Variants in QSER1 observed in about 807,000 individuals in gnomAD.
QSER1 encodes glutamine and serine rich 1.
In QSER1, 49 loss-of-function variants were observed where a neutral mutation model predicts 158.5. The observed-to-expected ratio is 0.31, with a 90% confidence interval of 0.25 to 0.39. QSER1 has a LOEUF of 0.39. QSER1 is among the 10% of genes least tolerant of loss of function. The pLI, the probability that QSER1 is intolerant of heterozygous loss-of-function variation, is 1.00. For synonymous variants in QSER1, 650 were observed against 715.5 expected (o/e 0.91, Z 1.46); for missense variants, 1,754 against 2,010.3 (o/e 0.87, Z 2.44).
intron 1 of QSER1, among the ~76,000 whole-genome samples, chr11:32,897,852 G>T (rs893128537): frequency 6.6e-6 from 1 of 152,176 alleles, no homozygotes; most frequent in Non-Finnish European, 1.5e-5. Flanking sequence ...CATCTCAGTA[G>T]TCATACCTCT....
rs142483738 is a variant in QSER1 at position 32,918,426 on chromosome 11, A to G, written c.210-8731A>G. ...TGTTTTTTATGGGGTGGTCAGGGAA[A>G]TCTTGAGAGGTGAAATTTAAGCAGA... On this transcript the variant is annotated intron_variant, in intron 1 of 12. Coordinates refer to ENST00000650167, the MANE Select transcript of QSER1 (RefSeq NM_001076786.3). 2.9e-3 allele frequency among the ~76,000 whole-genome samples: 434 copies of G among 151,920 alleles called. 1 individual carries two copies. The highest frequency in any genetic ancestry group is 9.9e-3 in the African/African-American group (411 of 41,426).
rs1015580755 is a variant in QSER1, at chr11:32,960,074, A to G, written c.4969+1988A>G. ...AAGCCACTGTGCCCAGTCTAAATGT[A>G]CTGTTTGTAAATGCTATTTGTGGGC... On this transcript the variant is annotated intron_variant, in intron 8 of 12. Transcript: ENST00000650167. Among the ~76,000 whole-genome samples the G allele has an allele frequency of 5.3e-5, 8 of 152,064 alleles. No homozygotes were observed. The South Asian group carries it at 1.7e-3, about 32-fold the overall frequency.
At chr11:32,948,140 C>G (rs1852365898) in intron 4 of QSER1, among the ~76,000 whole-genome samples, 1 of 152,280 alleles carries the variant, frequency 6.6e-6, no homozygotes, top group East Asian at 1.9e-4. Context: ...CCAAATAACT[C>G]TTGGCTTAAA....
intron 8 of QSER1, 78 bp downstream of exon 8, chr11:32,958,164 T>G: frequency 8.9e-7 from 1 of 1,119,148 alleles, no homozygotes; most frequent in South Asian, 1.4e-5. Context: ...TGCTGACAAT[T>G]CAAAATGTAT....
intron 11 of QSER1, among the ~76,000 whole-genome samples, chr11:32,975,011 A>G (rs1852946786): frequency 6.6e-6 from 1 of 152,132 alleles, no homozygotes; most frequent in Non-Finnish European, 1.5e-5. Context: ...AAATTTTCCT[A>G]TAATGCTTAA....
intron 4 of QSER1, among the ~76,000 whole-genome samples, chr11:32,944,149 G>A (rs1167613851): frequency 1.3e-5 from 2 of 152,028 alleles, no homozygotes; most frequent in Non-Finnish European, 2.9e-5. Context: ...AGTCTTGGTA[G>A]CAGTCTATCA....
intron 1 of QSER1, among the ~76,000 whole-genome samples, chr11:32,894,723 T>C (rs1851533176): frequency 6.6e-6 from 1 of 152,206 alleles, no homozygotes; most frequent in South Asian, 2.1e-4. Context: ...TTTTCAAGAC[T>C]TGGGAGTTAA....
intron 4 of QSER1, among the ~76,000 whole-genome samples, chr11:32,952,281 A>G (rs1485845098): frequency 6.6e-6 from 1 of 152,224 alleles, no homozygotes; most frequent in Non-Finnish European, 1.5e-5. Context: ...TGTCCTCTGT[A>G]AAGCTGGGGA....
At chr11:32,908,713 A>G (rs1025759117) in intron 1 of QSER1, among the ~76,000 whole-genome samples, 7 of 152,244 alleles carry the variant, frequency 4.6e-5, no homozygotes, top group African/African-American at 1.4e-4. Flanking sequence ...ATTGCAAATA[A>G]TGCTGCTATG....
In QSER1 at chr11:32,934,772, C is replaced by T; in HGVS notation, c.3514C>T (p.Leu1172Phe). Reference sequence around the variant, plus strand: ...GTCAATGAACCCAGCTAGGAGTGCACTTGCACTGTTGGCCATGGCCCAATC... The same window carrying T: ...GTCAATGAACCCAGCTAGGAGTGCATTTGCACTGTTGGCCATGGCCCAATC... ...GVSMNPARSALALLAMAQSGD... is the reference protein window; with the variant it reads ...GVSMNPARSAFALLAMAQSGD... Residue 1172 changes from leucine to phenylalanine, a missense_variant, in exon 4 of 13, where the codon CTT (leucine) becomes TTT (phenylalanine). Leu to Phe is a conservative substitution (Grantham distance 22, BLOSUM62 0). This residue lies in a region of QSER1 where 1,707 missense variants were observed against 1,919.6 expected (regional missense o/e 0.89). Coordinates refer to ENST00000650167, the MANE Select transcript of QSER1 (RefSeq NM_001076786.3). The T allele has an allele frequency of 1.2e-6, 2 of 1,614,024 alleles. No individual in the cohort carries two copies. Among genetic ancestry groups the T allele is most frequent in the Non-Finnish European group, 1.7e-6 (2 of 1,179,988 alleles).
Position 32,954,163 on chromosome 11 carries a change from A to T in QSER1, c.4484A>T (p.Asp1495Val). 1 of 1,613,064 alleles carries T rather than the reference A, an allele frequency of 6.2e-7. No individual in the cohort carries two copies. Among genetic ancestry groups the T allele is most frequent in the Non-Finnish European group, 8.5e-7 (1 of 1,179,746 alleles). ...ERDEFVVKIE[D>V]IETFKEALKT... Reference sequence around the variant, plus strand: ...GATGAATTTGTGGTAAAGATAGAAGACATAGAGACTTTTAAGGTGATGTCA... The same window carrying T: ...GATGAATTTGTGGTAAAGATAGAAGTCATAGAGACTTTTAAGGTGATGTCA... The change falls in exon 5 of 13, where the codon GAC (aspartate) becomes GTC (valine). Residue 1495 changes from aspartate to valine, a missense_variant. Physicochemically the swap from Asp to Val is radical, Grantham distance 152. Transcript: ENST00000650167.
rs114028817 is a variant in QSER1 at position 32,961,063 on chromosome 11, G to A, written c.4969+2977G>A. Among the ~76,000 whole-genome samples the A allele has an allele frequency of 2.6e-5, 4 of 151,996 alleles. No individual in the cohort carries two copies. In the East Asian group the frequency reaches 5.8e-4, roughly 22 times the overall value. ...TGAACCCATTACTTATTAATGTGAGGTGTTTTTTTTAAAACAACTATACTT... is the reference window on the plus strand; with the variant it reads ...TGAACCCATTACTTATTAATGTGAGATGTTTTTTTTAAAACAACTATACTT... On this transcript the variant is annotated intron_variant, in intron 8 of 12. Coordinates refer to ENST00000650167, the MANE Select transcript of QSER1 (RefSeq NM_001076786.3).
At chr11:32,957,109 GTTTTTCTTTTTTTTCTTTTTTTTTCTT>G (rs1429674775) in intron 7 of QSER1, among the ~76,000 whole-genome samples, 71 of 144,364 alleles carry the variant, frequency 4.9e-4, no homozygotes, top group South Asian at 9.3e-4. Context: ...ATGCATTTGG[GTTTTTCTTTTTTTTCTTTTTTTTTCTT>G]TTTTTTTTTT....
chr11:32,961,838 C>T (rs1353055178), intron 8 of QSER1, among the ~76,000 whole-genome samples: 3 of 152,292 alleles, frequency 2.0e-5, no homozygotes, highest in Non-Finnish European at 4.4e-5. Context: ...TAACTTCATT[C>T]CTTTTTATGG....
intron 1 of QSER1, among the ~76,000 whole-genome samples, chr11:32,920,466 A>G (rs1465507528): frequency 1.3e-5 from 2 of 152,354 alleles, no homozygotes; most frequent in African/African-American, 2.4e-5. Flanking sequence ...TTGGATTACA[A>G]GTTATTTCTT....
In QSER1 at chr11:32,933,868, G is replaced by A. The variant is rs1301087913; in HGVS notation, c.2610G>A (p.Leu870=). The A allele has an allele frequency of 2.5e-6, 4 of 1,613,372 alleles. No homozygotes were observed. Among genetic ancestry groups the A allele is most frequent in the Admixed American group, 1.7e-5 (1 of 59,942 alleles). Residue 870 remains leucine (L), a synonymous_variant, in exon 4 of 13, where the codon CTG becomes CTA. Coordinates refer to ENST00000650167, the MANE Select transcript of QSER1 (RefSeq NM_001076786.3). The part of the protein sequence containing the change: ...CDLQILQQSI[L]QAGLGQVKAS... ...TACAAATTCTTCAGCAGTCAATACT[G>A]CAGGCAGGTTTAGGTCAAGTAAAGG... is the stretch of plus-strand genomic sequence containing the variant.
intron 3 of QSER1, 42 bp from the exon 4 acceptor site, chr11:32,931,701 G>T: frequency 1.4e-6 from 2 of 1,410,666 alleles, no homozygotes; most frequent in Non-Finnish European, 1.9e-6. Flanking sequence ...TAAAGTAATT[G>T]TGCCATAATT....
At chr11:32,963,137 A>G (rs961561269) in intron 8 of QSER1, among the ~76,000 whole-genome samples, 1 of 152,166 alleles carries the variant, frequency 6.6e-6, no homozygotes, top group East Asian at 1.9e-4. Context: ...CTTCTTCGTC[A>G]AGGACTATTA....
chr11:32,922,723 G>C (rs963090604), intron 1 of QSER1, among the ~76,000 whole-genome samples: 1 of 151,836 alleles, frequency 6.6e-6, no homozygotes, highest in South Asian at 2.1e-4. Context: ...GACTTCAAGC[G>C]ATCCACCCAC....
Sources: gnomAD v4.1 joint callset for allele counts (sites outside exome capture counted in the v4.1 genomes callset) on GRCh38, gnomAD v4.1.1 for gene constraint, gnomAD v4.1.1 regional missense constraint, MANE v1.5 for transcripts, NCBI Gene and HGNC (gene_info 2026-07-23, HGNC 2026-07-21) for gene names.